The following NOMO1 variants were observed in gnomAD, a reference collection of about 807,000 sequenced individuals.
NOMO1 encodes the protein NODAL modulator 1, also known as nodal modulator 3.
In NOMO1, 40 loss-of-function variants were observed where a neutral mutation model predicts 133.8. The observed-to-expected ratio is 0.30, with a 90% CI of 0.23 to 0.39. The LOEUF is 0.39. Among genes scored for constraint, NOMO1 ranks in the 10% least tolerant of loss-of-function variants. NOMO1 has a pLI of 1.00. For synonymous variants in NOMO1, 236 were observed against 570.5 expected, an observed-to-expected ratio of 0.41 and a Z score of 8.36; for missense variants, 462 against 1,419.9, an observed-to-expected ratio of 0.33 and a Z score of 10.84.
At chr16:14,866,352 G>C (rs11489913) in intron 14 of NOMO1, among the ~76,000 whole-genome samples, 1 of 150,860 alleles carries the variant, frequency 6.6e-6, no homozygotes, top group African/African-American at 2.5e-5. Flanking sequence ...GAGCCACCAC[G>C]CTCGACTCCA....
chr16:14,846,683 A>G lies in NOMO1; in HGVS notation c.509A>G (p.Lys170Arg), dbSNP rs1355089393. The change falls in exon 5 of 31, where the codon AAG becomes AGG. Residue 170 changes from lysine (K) to arginine (R), a missense_variant and splice_region_variant. By Grantham distance (26) the Lys-to-Arg change is conservative. Transcript: ENST00000287667. ...IQSTVTQPGGKFAFFKVLPGD... is the reference protein window; with the variant it reads ...IQSTVTQPGGRFAFFKVLPGD... ...TCCACAGTTACACAGCCTGGCGGAA[A>G]GTGAGTAGCGTCCTGTCTCTTAGTG... 8 of 1,174,814 alleles carry G rather than the reference A, an allele frequency of 6.8e-6. No homozygotes were observed. Among genetic ancestry groups the G allele is most frequent in the Non-Finnish European group, 9.7e-6 (8 of 821,316 alleles). The allele number at this position is 1,174,814 out of a possible 1,614,324, so 72.8% of individuals were successfully genotyped here. A position where few individuals can be genotyped will look rare whatever the true frequency, so the allele number is the denominator to read the frequency against.
At chr16:14,843,502 C>T (rs1455473797) in intron 3 of NOMO1, among the ~76,000 whole-genome samples, 1 of 151,956 alleles carries the variant, frequency 6.6e-6, no homozygotes, top group Admixed American at 6.6e-5. Context: ...CATTGCTCCA[C>T]ATCCTAACCT....
intron 9 of NOMO1, among the ~76,000 whole-genome samples, chr16:14,856,518 T>C (rs937308658): frequency 1.3e-5 from 2 of 151,684 alleles, no homozygotes; most frequent in Non-Finnish European, 2.9e-5. Flanking sequence ...TTGAAGCGAT[T>C]CTCCTGCCTC....
chr16:14,857,669 G>A lies in NOMO1; in HGVS notation c.1220+14G>A. On this transcript the variant is annotated intron_variant, in intron 11 of 30. Transcript: ENST00000287667. Reference sequence around the variant, plus strand: ...TATTGCAACAGGGTAAGCTTATCGTGTGGATTTGGAAGCGCCAGTAAATAT... The same window carrying A: ...TATTGCAACAGGGTAAGCTTATCGTATGGATTTGGAAGCGCCAGTAAATAT... 2 of 1,613,706 alleles carry A rather than the reference G, an allele frequency of 1.2e-6. No homozygotes were observed. Among genetic ancestry groups the A allele is most frequent in the East Asian group, 2.2e-5 (1 of 44,874 alleles).
At chr16:14,892,510 G>T (rs1964419738) in intron 29 of NOMO1, among the ~76,000 whole-genome samples, 2 of 150,476 alleles carry the variant, frequency 1.3e-5, no homozygotes, top group Non-Finnish European at 3.0e-5. Flanking sequence ...TTCTGAGAAT[G>T]TAAGAAACTG....
intron 20 of NOMO1, among the ~76,000 whole-genome samples, 165 bp downstream of exon 20, chr16:14,875,587 GGATGGAT>G (rs1381282177): frequency 3.8e-3 from 578 of 151,642 alleles, no homozygotes; most frequent in Middle Eastern, 0.031. Flanking sequence ...ATGGATGGAT[GGATGGAT>G]GGTTGGGTTG....
At chr16:14,873,810 C>T (rs1964113250) in intron 18 of NOMO1, among the ~76,000 whole-genome samples, 1 of 151,694 alleles carries the variant, frequency 6.6e-6, no homozygotes, top group South Asian at 2.1e-4. Context: ...ATCTTGTACT[C>T]AGCAGACCCA....
intron 11 of NOMO1, 55 bp from the exon 12 acceptor site, chr16:14,862,958 C>A: frequency 6.2e-7 from 1 of 1,610,124 alleles, no homozygotes; most frequent in Non-Finnish European, 8.5e-7. Flanking sequence ...TCTATAAGAG[C>A]CTTTCCTGTT....
chr16:14,879,943 G>C lies in NOMO1; in HGVS notation c.2758-72G>C, dbSNP rs1193155324. On this transcript the variant is annotated intron_variant, in intron 23 of 30. Coordinates refer to ENST00000287667, the MANE Select transcript of NOMO1 (RefSeq NM_014287.4). Reference sequence around the variant, plus strand: ...TCCCCTGGTGTAATTCTGGTCCATCGTGACATTCGCCCCTCACTTTTAAGC... The same window carrying C: ...TCCCCTGGTGTAATTCTGGTCCATCCTGACATTCGCCCCTCACTTTTAAGC... The C allele has an allele frequency of 1.7e-5, 27 of 1,605,426 alleles. No individual in the cohort carries two copies. In the Admixed American group the frequency reaches 4.6e-4, roughly 27 times the overall value.
At chr16:14,840,005 A>G (rs1963582232) in intron 2 of NOMO1, among the ~76,000 whole-genome samples, 1 of 142,714 alleles carries the variant, frequency 7.0e-6, no homozygotes, top group Non-Finnish European at 1.5e-5. Flanking sequence ...TCAGCCTCCC[A>G]GAGTGCTGGG....
chr16:14,879,879 G>C (rs1964217462), intron 23 of NOMO1, 136 bp from the exon 24 acceptor site: 1 of 1,573,762 alleles, frequency 6.4e-7, no homozygotes, highest in East Asian at 2.2e-5. Context: ...ATTATAGAGA[G>C]AGGGTTACTA....
chr16:14,870,675 C>T (rs1262641499), intron 16 of NOMO1, among the ~76,000 whole-genome samples: 1 of 148,438 alleles, frequency 6.7e-6, no homozygotes, highest in Non-Finnish European at 1.5e-5. Flanking sequence ...AGGATGGCCT[C>T]CAGGGCCACT....
At chr16:14,894,342 G>T (rs979295072) in intron 29 of NOMO1, among the ~76,000 whole-genome samples, 11 of 152,142 alleles carry the variant, frequency 7.2e-5, no homozygotes, top group Non-Finnish European at 1.3e-4. Flanking sequence ...TCCAGCCAGG[G>T]TGTGGCACTT....
intron 4 of NOMO1, among the ~76,000 whole-genome samples, 166 bp downstream of exon 4, chr16:14,844,940 C>T (rs1220682935): frequency 3.3e-5 from 5 of 151,938 alleles, no homozygotes; most frequent in African/African-American, 4.8e-5. Flanking sequence ...CCGTGTAGAA[C>T]GCAGCAGGTG....
chr16:14,884,771 C>G (rs559060999), intron 27 of NOMO1, among the ~76,000 whole-genome samples: 207 of 152,046 alleles, frequency 1.4e-3, no homozygotes, highest in South Asian at 2.3e-3. Flanking sequence ...GATCAATGAT[C>G]AATACAATAT....
At chr16:14,886,887 C>A (rs1422306176) in intron 28 of NOMO1, 25 bp downstream of exon 28, 3 of 1,610,716 alleles carry the variant, frequency 1.9e-6, no homozygotes, top group Non-Finnish European at 2.5e-6. Context: ...CGGATTCTAC[C>A]TTCTGCCTTT....
At chr16:14,864,397 G>A (rs1222422714) in intron 12 of NOMO1, among the ~76,000 whole-genome samples, 188 bp from the exon 13 acceptor site, 3 of 151,978 alleles carry the variant, frequency 2.0e-5, no homozygotes, top group Non-Finnish European at 4.4e-5. Context: ...TTTCATCTGG[G>A]TAGAACTGTG....
chr16:14,866,623 A>C lies in NOMO1; in HGVS notation c.1738A>C (p.Met580Leu). The C allele has an allele frequency of 6.3e-7, 1 of 1,587,536 alleles. No individual in the cohort carries two copies. The stretch of plus-strand genomic sequence containing the variant: ...GGAGGTGGAAGTGCTGGAGGATGAC[A>C]TGTCTGCAGTTGAGTTCAGGCAGAC... ...SLEVEVLEDDMSAVEFRQTGY... is the reference protein window; with the variant it reads ...SLEVEVLEDDLSAVEFRQTGY... The change falls in exon 15 of 31, where the codon ATG becomes CTG. Residue 580 changes from methionine to leucine, a missense_variant. Met to Leu is a conservative substitution (Grantham distance 15). Transcript: ENST00000287667.
At position 14,857,548 on chromosome 16, in the gene NOMO1, C is replaced by G. The variant is rs770078284; in HGVS notation, c.1113C>G (p.Thr371=). Residue 371 remains threonine (T), a synonymous_variant, in exon 11 of 31, where the codon ACC becomes ACG. Coordinates refer to ENST00000287667, the MANE Select transcript of NOMO1 (RefSeq NM_014287.4). The part of the protein sequence containing the change: ...ADGSFRLENI[T]TGTYTIHAQK... ...GCTCATTCCGCCTTGAGAACATAAC[C>G]ACAGGGACATACACCATCCATGCTC... 1.2e-6 allele frequency: 2 copies of G among 1,610,642 alleles called. No homozygotes were observed. Among genetic ancestry groups the G allele is most frequent in the East Asian group, 4.5e-5 (2 of 44,728 alleles).
Sources: gnomAD v4.1 joint callset for allele counts (sites outside exome capture counted in the v4.1 genomes callset) on GRCh38, gnomAD v4.1.1 for gene constraint, MANE v1.5 for transcripts, NCBI Gene and HGNC (gene_info 2026-07-23, HGNC 2026-07-21) for gene names.